Variants in ALDH18A1 observed in about 807,000 individuals in gnomAD.
ALDH18A1 encodes aldehyde dehydrogenase 18 family member A1, also known as delta-1-pyrroline-5-carboxylate synthase.
A neutral mutation model predicts 88.8 loss-of-function variants in ALDH18A1; 44 were observed. That is an observed-to-expected ratio of 0.50 (90% CI 0.39 to 0.64). The LOEUF (loss-of-function observed/expected upper bound fraction) is 0.64. ALDH18A1 is among the 30% of genes least tolerant of loss of function. The probability of loss-of-function intolerance (pLI) is 0.00; values close to 1 mark genes in which losing one functional copy is unlikely to be tolerated. For missense variants in ALDH18A1, 782 were observed against 1,009.5 expected, an observed-to-expected ratio of 0.77 and a Z score of 3.05; for synonymous variants, 331 against 372.1, an observed-to-expected ratio of 0.89 and a Z score of 1.27.
In ALDH18A1 at chr10:95,654,765, G is replaced by A. The variant is rs183802809; in HGVS notation, c.-28-1360C>T. ...ATTTCAATTTTTTCATAACACTGAA[G>A]TATGATTTTAGCACGTGATCTAAGT... On this transcript the variant is annotated intron_variant, in intron 1 of 17. Coordinates refer to ENST00000371224, the MANE Select transcript of ALDH18A1 (RefSeq NM_002860.4). Among the ~76,000 whole-genome samples, 272 of 151,602 alleles carry A rather than the reference G, an allele frequency of 1.8e-3. 5 individuals carry two copies. The highest frequency in any genetic ancestry group is 6.1e-3 in the African/African-American group (252 of 41,314).
chr10:95,634,047 TG>T (rs2097876095), intron 5 of ALDH18A1, among the ~76,000 whole-genome samples: 1 of 152,098 alleles, frequency 6.6e-6, no homozygotes, highest in Admixed American at 6.6e-5. Context: ...CCTCAAGTGA[TG>T]GGATTACAGG....
Position 95,606,607 on chromosome 10 carries a change from C to A in ALDH18A1, c.*155G>T. 1 of 1,579,918 alleles carries A rather than the reference C, an allele frequency of 6.3e-7. No homozygotes were observed. On this transcript the variant is annotated 3_prime_UTR_variant, in exon 18 of 18. Coordinates refer to ENST00000371224, the MANE Select transcript of ALDH18A1 (RefSeq NM_002860.4). ...GCCAGACTGTGCACATCAGCCAAGA[C>A]TGCTATTGCCAAACGGAGCCCAGAA...
chr10:95,640,505 C>A (rs2097889459), intron 3 of ALDH18A1, among the ~76,000 whole-genome samples: 1 of 152,092 alleles, frequency 6.6e-6, no homozygotes, highest in South Asian at 2.1e-4. Flanking sequence ...CCATTCCTGG[C>A]TAATTTTTGT....
At chr10:95,608,573 C>A (rs1400934601) in intron 17 of ALDH18A1, among the ~76,000 whole-genome samples, 1 of 152,226 alleles carries the variant, frequency 6.6e-6, no homozygotes, top group Non-Finnish European at 1.5e-5. Flanking sequence ...ATCATCTTAG[C>A]TCACTGCAGC....
chr10:95,633,211 AG>A (rs1218801755), intron 6 of ALDH18A1, among the ~76,000 whole-genome samples, 162 bp from the exon 7 acceptor site: 1 of 152,216 alleles, frequency 6.6e-6, no homozygotes, highest in Non-Finnish European at 1.5e-5. Context: ...TTCTGTCTGC[AG>A]AACACACTGT....
chr10:95,608,097 G>C (rs2097826176), intron 17 of ALDH18A1, among the ~76,000 whole-genome samples: 1 of 152,336 alleles, frequency 6.6e-6, no homozygotes, highest in Admixed American at 6.5e-5. Flanking sequence ...ACAGTGCTGG[G>C]AATGTAGTAA....
At chr10:95,632,735 A>T (rs2097872696) in intron 7 of ALDH18A1, among the ~76,000 whole-genome samples, 1 of 152,206 alleles carries the variant, frequency 6.6e-6, no homozygotes, top group Non-Finnish European at 1.5e-5. Flanking sequence ...TTATTTAAGG[A>T]AAACAACTGA....
At chr10:95,632,831 G>T in intron 7 of ALDH18A1, 128 bp downstream of exon 7, 1 of 815,888 alleles carries the variant, frequency 1.2e-6, no homozygotes, top group Admixed American at 2.0e-5. Context: ...CCCTTTGTCA[G>T]AACATATGGC....
At chr10:95,646,047 C>T (rs1404689625) in intron 2 of ALDH18A1, among the ~76,000 whole-genome samples, 4 of 152,108 alleles carry the variant, frequency 2.6e-5, no homozygotes, top group African/African-American at 9.7e-5. Flanking sequence ...GGCTTACTCC[C>T]CTAGGGTTTG....
At chr10:95,610,101 C>T in intron 17 of ALDH18A1, 96 bp downstream of exon 17, 1 of 1,168,358 alleles carries the variant, frequency 8.6e-7, no homozygotes, top group Non-Finnish European at 1.3e-6. Context: ...AAGCATGTGA[C>T]AGTCAAGGGG....
intron 13 of ALDH18A1, among the ~76,000 whole-genome samples, chr10:95,614,597 A>G (rs2097841290): frequency 6.6e-6 from 1 of 152,196 alleles, no homozygotes; most frequent in African/African-American, 2.4e-5. Flanking sequence ...TTCTATTCAC[A>G]GCATTGAGGA....
chr10:95,633,355 G>A, intron 6 of ALDH18A1, 136 bp downstream of exon 6: 1 of 1,106,972 alleles, frequency 9.0e-7, no homozygotes, highest in Non-Finnish European at 1.3e-6. Flanking sequence ...AAGAGCTTAT[G>A]CAGTCACTGC....
intron 1 of ALDH18A1, among the ~76,000 whole-genome samples, chr10:95,653,994 T>G (rs779920763): frequency 6.6e-6 from 1 of 152,198 alleles, no homozygotes; most frequent in East Asian, 1.9e-4. Flanking sequence ...ATCTTAATCC[T>G]GTGGAGGAAG....
intron 3 of ALDH18A1, among the ~76,000 whole-genome samples, chr10:95,638,227 T>G (rs916947393): frequency 6.6e-6 from 1 of 152,072 alleles, no homozygotes; most frequent in East Asian, 1.9e-4. Context: ...CTCACTATGT[T>G]GCCCAGGCTG....
intron 7 of ALDH18A1, among the ~76,000 whole-genome samples, chr10:95,631,136 A>T (rs2097868560): frequency 6.6e-6 from 1 of 152,196 alleles, no homozygotes; most frequent in South Asian, 2.1e-4. Flanking sequence ...TATGGGTCAG[A>T]CTGTGAAATG....
chr10:95,614,225 G>A (rs1371726086), intron 13 of ALDH18A1, 64 bp from the exon 14 acceptor site: 6 of 1,530,434 alleles, frequency 3.9e-6, no homozygotes, highest in Non-Finnish European at 5.4e-6. Flanking sequence ...AAAAACAGCA[G>A]CTTCCCTTTT....
Position 95,611,420 on chromosome 10 carries a change from T to G in ALDH18A1, c.1946A>C (p.Lys649Thr). 1 of 1,614,064 alleles carries G rather than the reference T, an allele frequency of 6.2e-7. No homozygotes were observed. Among genetic ancestry groups the G allele is most frequent in the African/African-American group, 1.3e-5 (1 of 74,998 alleles). ...GCTGAAGGTCAGATAGGAGGCAAAT[T>G]TGGGGCCTGCATGAATTTTTACCTG... ...VEQVKIHAGP[K>T]FASYLTFSPS... The change falls in exon 16 of 18, where the codon AAA (lysine) becomes ACA (threonine). Residue 649 changes from lysine to threonine, a missense_variant. Lys to Thr is a moderately conservative substitution (Grantham distance 78, BLOSUM62 -1). This residue lies in a region of ALDH18A1 where 556 missense variants were observed against 654.5 expected (regional missense o/e 0.85). Transcript: ENST00000371224.
chr10:95,646,200 G>A (rs2097901023), intron 2 of ALDH18A1, among the ~76,000 whole-genome samples: 2 of 152,168 alleles, frequency 1.3e-5, no homozygotes, highest in Non-Finnish European at 2.9e-5. Context: ...GAAGGGTGGT[G>A]AGCATGGGTG....
chr10:95,642,717 A>G (rs2097894102), intron 3 of ALDH18A1, among the ~76,000 whole-genome samples: 4 of 151,904 alleles, frequency 2.6e-5, no homozygotes, highest in Admixed American at 2.6e-4. Flanking sequence ...CGTAGTCAGA[A>G]CTAAGAATCT....
Sources: allele counts gnomAD v4.1 joint callset (sites outside exome capture counted in the v4.1 genomes callset), GRCh38; gene constraint gnomAD v4.1.1; regional missense constraint gnomAD v4.1.1; transcripts MANE v1.5; gene names NCBI Gene and HGNC (gene_info 2026-07-23, HGNC 2026-07-21).